The following PHF24 variants were observed in gnomAD, a reference collection of about 807,000 sequenced individuals.
PHF24 encodes the protein Galpha inhibitory interacting protein.
Under a neutral mutation model 42.6 loss-of-function variants are expected in PHF24, and 25 were observed. The observed-to-expected ratio is 0.59, with a 90% CI of 0.43 to 0.82. The LOEUF is 0.82. PHF24 is among the 40% of genes least tolerant of loss of function. The probability of loss-of-function intolerance (pLI) is 0.00; values close to 1 mark genes in which losing one functional copy is unlikely to be tolerated. For missense variants in PHF24, 470 were observed against 538.1 expected (o/e 0.87, Z 1.25); for synonymous variants, 185 against 204.8 (o/e 0.90, Z 0.83).
At chr9:34,888,390 T>G in the PHF24 span, among the ~76,000 whole-genome samples, 1 of 152,210 alleles carries the variant, frequency 6.6e-6, no homozygotes, top group Non-Finnish European at 1.5e-5. Context: ...TTTGAATTGT[T>G]GAATGCAAGA....
the PHF24 span, among the ~76,000 whole-genome samples, chr9:34,844,346 GTTC>G: frequency 1.4e-3 from 215 of 151,822 alleles, no homozygotes; most frequent in African/African-American, 4.8e-3. Flanking sequence ...GGCTTAGTTT[GTTC>G]TTCTTTTTCT....
the PHF24 span, among the ~76,000 whole-genome samples, chr9:34,854,375 G>A: frequency 2.6e-5 from 4 of 151,718 alleles, no homozygotes; most frequent in African/African-American, 9.7e-5. Flanking sequence ...CTAGGTTGTT[G>A]ATTTGAGATC....
At chr9:34,676,711 G>A in the PHF24 span, among the ~76,000 whole-genome samples, 1 of 152,226 alleles carries the variant, frequency 6.6e-6, no homozygotes, top group South Asian at 2.1e-4. Flanking sequence ...AAGCAATACA[G>A]GAAGCATAAC....
exon 8 of PHF24, chr9:34,978,252 C>A: frequency 1.6e-6 from 1 of 630,558 alleles, no homozygotes; most frequent in Non-Finnish European, 2.8e-6. Context: ...AGCTTTAAGG[C>A]ACTGAAATCA....
the PHF24 span, among the ~76,000 whole-genome samples, chr9:34,816,109 T>A: frequency 2.6e-5 from 4 of 151,846 alleles, no homozygotes; most frequent in Non-Finnish European, 5.9e-5. Context: ...TTTATTTTTT[T>A]ATTATACTTT....
At chr9:34,917,070 A>C in the PHF24 span, 2 of 694,502 alleles carry the variant, frequency 2.9e-6, no homozygotes, top group South Asian at 2.9e-5. Context: ...TGAAGAGCGG[A>C]GCGTGTGAGC....
At chr9:34,835,361 ACACGTCTTGGGAGCCCC>A in the PHF24 span, 2 of 1,550,190 alleles carry the variant, frequency 1.3e-6, no homozygotes, top group African/African-American at 2.7e-5. Context: ...GGACTCCTCC[ACACGTCTTGGGAGCCCC>A]CACCTCTGGA....
the PHF24 span, among the ~76,000 whole-genome samples, chr9:34,814,121 A>G: frequency 1.3e-5 from 2 of 152,166 alleles, no homozygotes; most frequent in South Asian, 2.1e-4. Flanking sequence ...GGAAACCTCA[A>G]TTCCACCTAC....
At chr9:34,758,848 G>A in the PHF24 span, among the ~76,000 whole-genome samples, 2 of 152,122 alleles carry the variant, frequency 1.3e-5, no homozygotes. The surrounding 1 kb of genome is among the most constrained non-coding windows in gnomAD (Gnocchi z 4.4). Context: ...TGCAGTGGCA[G>A]CAGGCACTGG....
chr9:34,897,038 C>T, the PHF24 span, among the ~76,000 whole-genome samples: 16 of 152,130 alleles, frequency 1.1e-4, no homozygotes, highest in Admixed American at 5.9e-4. Context: ...CACCTGTAAT[C>T]CCAGCTACTC....
the PHF24 span, among the ~76,000 whole-genome samples, chr9:34,794,392 T>G: frequency 1.3e-5 from 2 of 152,250 alleles, no homozygotes; most frequent in African/African-American, 2.4e-5. Flanking sequence ...CAAAGTCCCA[T>G]AAAATAATAC....
At chr9:34,922,109 T>C in the PHF24 span, 1 of 1,257,470 alleles carries the variant, frequency 8.0e-7, no homozygotes, top group Non-Finnish European at 1.1e-6. Flanking sequence ...AAACAACTAT[T>C]TGTGGGACAG....
chr9:34,754,171 A>G, the PHF24 span, among the ~76,000 whole-genome samples: 1 of 152,162 alleles, frequency 6.6e-6, no homozygotes, highest in East Asian at 1.9e-4. Flanking sequence ...ACACTAAGTT[A>G]AAAAGCTTCC....
At chr9:34,724,366 C>A in the PHF24 span, 137 of 1,550,668 alleles carry the variant, frequency 8.8e-5, no homozygotes, top group Non-Finnish European at 1.2e-4. Flanking sequence ...TAAGGTGAAC[C>A]CCTTCTGGAT....
At chr9:34,917,387 G>A in the PHF24 span, 3 of 773,234 alleles carry the variant, frequency 3.9e-6, no homozygotes, top group Admixed American at 1.7e-5. Flanking sequence ...TTTACAGTCT[G>A]AAGGCTCCAA....
the PHF24 span, among the ~76,000 whole-genome samples, chr9:34,875,948 ACACTCT>A: frequency 1.3e-5 from 1 of 79,826 alleles, no homozygotes; most frequent in African/African-American, 4.9e-5. Context: ...ACACACACAC[ACACTCT>A]CTCTCTCTCT....
At chr9:34,921,356 C>CA in the PHF24 span, among the ~76,000 whole-genome samples, 1,520 of 141,656 alleles carry the variant, frequency 0.011, 23 homozygotes, top group African/African-American at 0.032. Flanking sequence ...AGGCAAGTAT[C>CA]AAAAAAAAAA....
At chr9:34,840,668 G>GC in the PHF24 span, among the ~76,000 whole-genome samples, 8 of 151,660 alleles carry the variant, frequency 5.3e-5, no homozygotes, top group East Asian at 5.9e-4. Context: ...TCCCACCTGA[G>GC]CCCCCCCAGA....
the PHF24 span, among the ~76,000 whole-genome samples, chr9:34,756,724 AG>A: frequency 6.6e-6 from 1 of 152,046 alleles, no homozygotes; most frequent in Non-Finnish European, 1.5e-5. Flanking sequence ...ATAAATTTTA[AG>A]GGTTTTTTTT....
Sources: allele counts gnomAD v4.1 joint callset (sites outside exome capture counted in the v4.1 genomes callset), GRCh38; gene constraint gnomAD v4.1.1; non-coding constraint Gnocchi (gnomAD v3.1); transcripts MANE v1.5; gene names NCBI Gene and HGNC (gene_info 2026-07-23, HGNC 2026-07-21).